The following SLC44A5 variants were observed in gnomAD, a reference collection of about 807,000 sequenced individuals.
The protein encoded by SLC44A5 is choline transporter-like protein 5.
Under a neutral mutation model 101.8 loss-of-function variants are expected in SLC44A5, and 57 were observed. The ratio of observed to expected loss-of-function variants is 0.56; its 90% confidence interval spans 0.45 to 0.70. SLC44A5 has a LOEUF of 0.70. Among genes scored for constraint, SLC44A5 ranks in the 30% least tolerant of loss-of-function variants. The probability of loss-of-function intolerance (pLI) is 0.00; values close to 1 mark genes in which losing one functional copy is unlikely to be tolerated. For missense variants in SLC44A5, 737 were observed against 853.1 expected, an observed-to-expected ratio of 0.86 and a Z score of 1.70; for synonymous variants, 281 against 290.9, an observed-to-expected ratio of 0.97 and a Z score of 0.35.
At chr1:75,701,566 A>G in the SLC44A5 span, among the ~76,000 whole-genome samples, 14 of 152,264 alleles carry the variant, frequency 9.2e-5, no homozygotes, top group African/African-American at 2.4e-4. Context: ...AATGGGCAAA[A>G]ACTGGAAGCA....
intron 2 of SLC44A5, among the ~76,000 whole-genome samples, chr1:75,463,695 G>T (rs1666645631): frequency 6.6e-6 from 1 of 152,062 alleles, no homozygotes; most frequent in Non-Finnish European, 1.5e-5. Context: ...GACTCATCCT[G>T]CAAGAAATGT....
the SLC44A5 span, among the ~76,000 whole-genome samples, chr1:75,664,292 G>C: frequency 1.3e-5 from 2 of 152,080 alleles, no homozygotes; most frequent in Non-Finnish European, 2.9e-5. Context: ...ATTCAACATA[G>C]TACTGGAATA....
chr1:75,698,786 A>G, the SLC44A5 span, among the ~76,000 whole-genome samples: 951 of 152,310 alleles, frequency 6.2e-3, 6 homozygotes, highest in Non-Finnish European at 7.3e-3. Flanking sequence ...AACTAGAATA[A>G]TCAATATAGA....
intron 3 of SLC44A5, among the ~76,000 whole-genome samples, chr1:75,373,116 A>G (rs929372834): frequency 3.3e-5 from 5 of 152,218 alleles, no homozygotes; most frequent in African/African-American, 1.2e-4. Context: ...AGAATCAAGA[A>G]AAAGATCTAG....
chr1:75,633,486 C>T, the SLC44A5 span, among the ~76,000 whole-genome samples: 6,665 of 152,072 alleles, frequency 0.044, 200 homozygotes, highest in African/African-American at 0.091. Flanking sequence ...GAAGCAATTG[C>T]GAATGGGAGT....
chr1:75,483,412 A>G (rs1018075277), intron 2 of SLC44A5, among the ~76,000 whole-genome samples: 1 of 152,178 alleles, frequency 6.6e-6, no homozygotes, highest in East Asian at 1.9e-4. Flanking sequence ...TAATTTAGGT[A>G]TTAAAAAGTC....
rs529076068 is a variant in SLC44A5 at position 75,565,151 on chromosome 1, C to CA, written c.-69-23636dup. 4.3e-3 allele frequency among the ~76,000 whole-genome samples: 659 copies of CA among 152,280 alleles called. 2 individuals carry two copies. Among genetic ancestry groups the CA allele is most frequent in the Non-Finnish European group, 7.1e-3 (482 of 68,020 alleles). On this transcript the variant is annotated intron_variant, in intron 1 of 23. Transcript: ENST00000370859. ...TAAACATTAATGAGGTTGCCTGCCCCAAAACCATCACTATGCCAGCCTACT... is the reference window on the plus strand; with the variant it reads ...TAAACATTAATGAGGTTGCCTGCCCCAAAAACCATCACTATGCCAGCCTACT...
intron 4 of SLC44A5, among the ~76,000 whole-genome samples, chr1:75,302,302 G>A (rs1459545766): frequency 6.6e-6 from 1 of 151,776 alleles, no homozygotes; most frequent in Non-Finnish European, 1.5e-5. Context: ...AACTCAGAGA[G>A]AAAAAACTAG....
chr1:75,231,797 T>C (rs560405689), intron 12 of SLC44A5, among the ~76,000 whole-genome samples: 2 of 152,274 alleles, frequency 1.3e-5, no homozygotes, highest in South Asian at 4.1e-4. Context: ...ATACCTTAAA[T>C]AGATGCTCAT....
chr1:75,680,379 A>C, the SLC44A5 span, among the ~76,000 whole-genome samples: 1 of 152,220 alleles, frequency 6.6e-6, no homozygotes, highest in African/African-American at 2.4e-5. Flanking sequence ...TCTCCTCAGC[A>C]AATGTAAAGA....
At chr1:75,476,561 T>C (rs1303601848) in intron 2 of SLC44A5, among the ~76,000 whole-genome samples, 2 of 152,208 alleles carry the variant, frequency 1.3e-5, no homozygotes, top group Non-Finnish European at 2.9e-5. Flanking sequence ...TACTGCGCTT[T>C]TCCGACAGGC....
intron 2 of SLC44A5, among the ~76,000 whole-genome samples, chr1:75,494,898 A>C (rs1668591318): frequency 6.6e-6 from 1 of 152,202 alleles, no homozygotes; most frequent in African/African-American, 2.4e-5. Flanking sequence ...TACTCTAGGG[A>C]ATGGATCCTA....
chr1:75,483,908 G>A (rs1306535173), intron 2 of SLC44A5, among the ~76,000 whole-genome samples: 2 of 152,150 alleles, frequency 1.3e-5, no homozygotes, highest in Non-Finnish European at 2.9e-5. Flanking sequence ...TAAAGGGAGA[G>A]TGAGGTGGGA....
intron 3 of SLC44A5, among the ~76,000 whole-genome samples, chr1:75,348,653 T>C (rs555504758): frequency 1.1e-4 from 16 of 152,292 alleles, no homozygotes; most frequent in African/African-American, 3.8e-4. Flanking sequence ...GTTCTCATAA[T>C]AGTTTTCCAA....
chr1:75,346,503 G>A (rs142623751), intron 3 of SLC44A5, among the ~76,000 whole-genome samples: 38 of 152,042 alleles, frequency 2.5e-4, no homozygotes, highest in Non-Finnish European at 2.9e-4. Context: ...AAGAATGGAC[G>A]TTTAGGGGGC....
At chr1:75,629,596 T>A in the SLC44A5 span, among the ~76,000 whole-genome samples, 3 of 152,110 alleles carry the variant, frequency 2.0e-5, no homozygotes, top group African/African-American at 7.2e-5. Context: ...TGGAATTCAC[T>A]CACACTATAG....
chr1:75,482,717 C>G (rs185953161), intron 2 of SLC44A5, among the ~76,000 whole-genome samples: 155 of 152,238 alleles, frequency 1.0e-3, no homozygotes, highest in African/African-American at 3.6e-3. Flanking sequence ...ACTTGTATAG[C>G]AGATGAAATG....
intron 1 of SLC44A5, among the ~76,000 whole-genome samples, chr1:75,603,632 T>C (rs1675130195): frequency 6.6e-6 from 1 of 151,990 alleles, no homozygotes; most frequent in African/African-American, 2.4e-5. Flanking sequence ...CCCATTTCTC[T>C]GCAGCCTCAC....
intron 3 of SLC44A5, among the ~76,000 whole-genome samples, chr1:75,340,260 A>G (rs1336707182): frequency 6.6e-6 from 1 of 152,172 alleles, no homozygotes; most frequent in Non-Finnish European, 1.5e-5. Context: ...TTTTCTTTAA[A>G]CAGTGAAAGT....
Sources: gnomAD v4.1 joint callset for allele counts (sites outside exome capture counted in the v4.1 genomes callset) on GRCh38, gnomAD v4.1.1 for gene constraint, MANE v1.5 for transcripts, NCBI Gene and HGNC (gene_info 2026-07-23, HGNC 2026-07-21) for gene names.